The following CFHR5 variants were observed in gnomAD, a reference collection of about 807,000 sequenced individuals.
CFHR5 encodes complement factor H related 5.
CFHR5 carries 73 observed loss-of-function variants against 62.9 expected under a neutral mutation model. The ratio of observed to expected loss-of-function variants is 1.16; its 90% CI spans 0.96 to 1.41. The LOEUF is 1.41. CFHR5 is among the 40% of genes most tolerant of loss of function. CFHR5 has a pLI of 0.00. For missense variants in CFHR5, 779 were observed against 679.9 expected, an observed-to-expected ratio of 1.15 and a Z score of -1.62; for synonymous variants, 249 against 227.2, an observed-to-expected ratio of 1.10 and a Z score of -0.86.
rs1343441160 is a variant in CFHR5 at position 197,002,527 on chromosome 1, C to T, written c.1193C>T (p.Ala398Val). 2 of 1,613,454 alleles carry T rather than the reference C, an allele frequency of 1.2e-6. No homozygotes were observed. Among genetic ancestry groups the T allele is most frequent in the Admixed American group, 3.3e-5 (2 of 59,964 alleles). ...FCPPPPQIPN[A>V]QNMTTTVNYQ... ...CCACCGCCACCTCAGATACCTAATG[C>T]TCAGAATATGACAACCACAGTGAAT... Residue 398 changes from alanine (A) to valine (V), a missense_variant, in exon 8 of 10, where the codon GCT becomes GTT. Transcript: ENST00000256785.
upstream of CFHR5, among the ~76,000 whole-genome samples, chr1:196,976,831 G>T (rs1394537600): frequency 3.2e-5 from 4 of 123,750 alleles, no homozygotes; most frequent in Non-Finnish European, 4.7e-5. Context: ...TTGAGACAGA[G>T]TCTCGCTCTG....
intron 1 of CFHR5, among the ~76,000 whole-genome samples, chr1:196,980,514 G>T (rs1653512003): frequency 6.6e-6 from 1 of 151,632 alleles, no homozygotes; most frequent in Admixed American, 6.6e-5. Flanking sequence ...TAATCTTATG[G>T]GACCACTGTG....
rs950635746 is a variant in CFHR5, at chr1:197,009,653, T to C, written c.*970T>C. On this transcript the variant is annotated 3_prime_UTR_variant, in exon 10 of 10. Coordinates refer to ENST00000256785, the MANE Select transcript of CFHR5 (RefSeq NM_030787.4). ...CAATACTAAATACCCCTTAAAGTAT[T>C]AAATGCACTATCTGCTGTAAAAGAA... 7 of 152,080 alleles carry C rather than the reference T, an allele frequency of 4.6e-5. No homozygotes were observed. Among genetic ancestry groups the C allele is most frequent in the Non-Finnish European group, 8.8e-5 (6 of 68,004 alleles). The allele number at this position is 152,080 out of a possible 1,614,324, so 9.4% of individuals were successfully genotyped here. A position where few individuals can be genotyped will look rare whatever the true frequency, so the allele number is the denominator to read the frequency against.
intron 1 of CFHR5, among the ~76,000 whole-genome samples, chr1:196,979,160 C>T (rs896009186): frequency 3.9e-5 from 6 of 151,992 alleles, no homozygotes; most frequent in East Asian, 1.9e-4. Context: ...AATATGACAA[C>T]GCCACCCACC....
chr1:196,988,603 C>T (rs966280160), intron 3 of CFHR5, among the ~76,000 whole-genome samples: 1 of 152,054 alleles, frequency 6.6e-6, no homozygotes, highest in African/African-American at 2.4e-5. Context: ...TTGTCAAAGG[C>T]CTTTTCTGCA....
chr1:197,002,715 C>G (rs780604841), intron 8 of CFHR5, 51 bp downstream of exon 8: 2 of 1,430,924 alleles, frequency 1.4e-6, no homozygotes, highest in Non-Finnish European at 2.0e-6. Context: ...TTATTAATCC[C>G]CTTTGCTTTA....
At chr1:196,983,844 T>C in intron 2 of CFHR5, 117 bp from the exon 3 acceptor site, 1 of 674,562 alleles carries the variant, frequency 1.5e-6, no homozygotes. Flanking sequence ...CCAAATTCTT[T>C]TGAAAATATT....
At chr1:197,000,147 G>T (rs979664148) in intron 7 of CFHR5, among the ~76,000 whole-genome samples, 1 of 151,860 alleles carries the variant, frequency 6.6e-6, no homozygotes, top group Non-Finnish European at 1.5e-5. Context: ...TAAAGAGAAG[G>T]AAAATACTAT....
intron 3 of CFHR5, among the ~76,000 whole-genome samples, chr1:196,984,492 G>T (rs1324436231): frequency 6.6e-6 from 1 of 152,102 alleles, no homozygotes; most frequent in African/African-American, 2.4e-5. Context: ...TTATAAGGAA[G>T]TTTTTAATAT....
intron 3 of CFHR5, among the ~76,000 whole-genome samples, chr1:196,990,398 T>C (rs1371857542): frequency 6.6e-6 from 1 of 152,176 alleles, no homozygotes; most frequent in Admixed American, 6.5e-5. Flanking sequence ...TATGTGTGAA[T>C]TTGATCCTGT....
chr1:196,995,785 GA>G lies in CFHR5; in HGVS notation c.678del (p.Glu226AspfsTer7), dbSNP rs368209619. ...TGAAGTTAAGGAGATAAGAAAAGAG[GA>G]ATATGGACACAATGAAGTAGTGGAA... ...NGEVKEIRKE[E>X]YGHNEVVEYD... On this transcript the variant is annotated frameshift_variant, in exon 5 of 10. Coordinates refer to ENST00000256785, the MANE Select transcript of CFHR5 (RefSeq NM_030787.4). LOFTEE classifies it high-confidence loss of function. 3.1e-5 allele frequency: 50 copies of G among 1,612,820 alleles called. No homozygotes were observed. In the African/African-American group the frequency reaches 3.6e-4, roughly 12 times the overall value.
At chr1:196,978,845 A>C (rs895961634) in intron 1 of CFHR5, among the ~76,000 whole-genome samples, 3 of 152,294 alleles carry the variant, frequency 2.0e-5, no homozygotes, top group Non-Finnish European at 4.4e-5. Context: ...GCAGAGGAAG[A>C]TAAGTGAAAA....
intron 1 of CFHR5, among the ~76,000 whole-genome samples, chr1:196,978,056 G>A (rs1032760922): frequency 2.6e-5 from 4 of 152,196 alleles, no homozygotes. Flanking sequence ...CAATGCCACT[G>A]ACTAGAAAAA....
chr1:196,990,467 G>A (rs1408179493), intron 3 of CFHR5, among the ~76,000 whole-genome samples: 1 of 152,138 alleles, frequency 6.6e-6, no homozygotes, highest in Non-Finnish European at 1.5e-5. Flanking sequence ...ACCTAGCATA[G>A]ATGGTCTTTA....
chr1:196,994,392 A>G (rs964741951), intron 4 of CFHR5, 136 bp downstream of exon 4: 3 of 721,316 alleles, frequency 4.2e-6, no homozygotes, highest in Admixed American at 2.4e-5. Flanking sequence ...ATGCAGTTCT[A>G]TAGTAATTGA....
intron 9 of CFHR5, among the ~76,000 whole-genome samples, chr1:197,007,625 CAT>C (rs1035810738): frequency 8.7e-5 from 13 of 148,790 alleles, no homozygotes; most frequent in South Asian, 2.1e-4. Context: ...TTACATATTA[CAT>C]ATATTTTTAA....
At chr1:197,003,175 C>A (rs1654196392) in intron 8 of CFHR5, among the ~76,000 whole-genome samples, 1 of 152,120 alleles carries the variant, frequency 6.6e-6, no homozygotes, top group Admixed American at 6.5e-5. Flanking sequence ...AACCTAGGTC[C>A]CTTGCATGTG....
Position 196,982,761 on chromosome 1 carries a change from T to G in CFHR5, c.59-124T>G. 3.6e-6 allele frequency: 3 copies of G among 829,076 alleles called. No homozygotes were observed. The South Asian group carries it at 4.5e-5, about 12-fold the overall frequency. The allele number at this position is 829,076 out of a possible 1,614,324, so 51.4% of individuals were successfully genotyped here. On this transcript the variant is annotated intron_variant, in intron 1 of 9. Transcript: ENST00000256785. Reference sequence around the variant, plus strand: ...TCCAAATTAGTACACTGGAAAGCATTTAAGCTAAAGGCATTTAAGCTGAAT... The same window carrying G: ...TCCAAATTAGTACACTGGAAAGCATGTAAGCTAAAGGCATTTAAGCTGAAT...
rs142799297 is a variant in CFHR5 at position 197,003,408 on chromosome 1, T to C, written c.1330+744T>C. 3.0e-3 allele frequency among the ~76,000 whole-genome samples: 459 copies of C among 152,208 alleles called. 1 individual carries two copies. Among genetic ancestry groups the C allele is most frequent in the South Asian group, 4.0e-3 (19 of 4,808 alleles). On this transcript the variant is annotated intron_variant, in intron 8 of 9. Coordinates refer to ENST00000256785, the MANE Select transcript of CFHR5 (RefSeq NM_030787.4). The stretch of plus-strand genomic sequence containing the variant: ...AGCCTAGGTGTGTAGTAGGCAACAT[T>C]ATCTAGGTTTGTGTAGGCTCACTCC...
Sources: allele counts gnomAD v4.1 joint callset (sites outside exome capture counted in the v4.1 genomes callset), GRCh38; gene constraint gnomAD v4.1.1; transcripts MANE v1.5; gene names NCBI Gene and HGNC (gene_info 2026-07-23, HGNC 2026-07-21).